Variants in UNC5C observed in about 807,000 individuals in gnomAD.
The protein encoded by UNC5C is unc-5 netrin receptor C, also known as netrin receptor UNC5C.
In UNC5C, 47 loss-of-function variants were observed where a neutral mutation model predicts 99.8. The observed-to-expected ratio is 0.47, with a 90% CI of 0.37 to 0.60. The LOEUF is 0.60. UNC5C is among the 20% of genes least tolerant of loss of function. The pLI is 0.00. For missense variants in UNC5C, 1,062 were observed against 1,165.9 expected, an observed-to-expected ratio of 0.91 and a Z score of 1.30; for synonymous variants, 487 against 452.2, an observed-to-expected ratio of 1.08 and a Z score of -0.98.
intron 2 of UNC5C, among the ~76,000 whole-genome samples, chr4:95,324,548 C>G (rs1451414970): frequency 6.6e-6 from 1 of 152,174 alleles, no homozygotes; most frequent in Non-Finnish European, 1.5e-5. Context: ...AACGGTCCCT[C>G]CTGCCAAAAA....
chr4:95,480,416 C>G lies in UNC5C; in HGVS notation c.124+68318G>C, dbSNP rs1344251970. Among the ~76,000 whole-genome samples, 3 of 151,734 alleles carry G rather than the reference C, an allele frequency of 2.0e-5. No individual in the cohort carries two copies. In the East Asian group the frequency reaches 5.9e-4, roughly 30 times the overall value. On this transcript the variant is annotated intron_variant, in intron 1 of 15. Coordinates refer to ENST00000453304, the MANE Select transcript of UNC5C (RefSeq NM_003728.4). ...TGTCTAAAAATACTAGTTGTCATGTCCTCAGAAATGAGCAATAAATGCTAC... is the reference window on the plus strand; with the variant it reads ...TGTCTAAAAATACTAGTTGTCATGTGCTCAGAAATGAGCAATAAATGCTAC...
At chr4:95,250,197 C>A (rs900316255) in intron 5 of UNC5C, among the ~76,000 whole-genome samples, 4 of 152,002 alleles carry the variant, frequency 2.6e-5, no homozygotes, top group African/African-American at 4.8e-5. Flanking sequence ...TGAAAAGCAG[C>A]AAGCAAGCAG....
intron 1 of UNC5C, among the ~76,000 whole-genome samples, chr4:95,471,022 T>C (rs1048437800): frequency 6.6e-6 from 1 of 151,966 alleles, no homozygotes; most frequent in Non-Finnish European, 1.5e-5. Flanking sequence ...TGGAAATCAC[T>C]ATCCAAGTAA....
chr4:95,300,598 A>T (rs1741830576), intron 3 of UNC5C, among the ~76,000 whole-genome samples: 1 of 152,212 alleles, frequency 6.6e-6, no homozygotes, highest in South Asian at 2.1e-4. Context: ...TCAAGGAATG[A>T]TATATGCCAT....
intron 1 of UNC5C, among the ~76,000 whole-genome samples, chr4:95,415,853 C>T (rs1333852294): frequency 5.9e-5 from 9 of 151,912 alleles, no homozygotes; most frequent in Admixed American, 4.6e-4. Context: ...TCATTCTAAA[C>T]AAAGATCTTT....
intron 1 of UNC5C, among the ~76,000 whole-genome samples, chr4:95,447,753 G>A (rs911838361): frequency 6.6e-5 from 10 of 152,130 alleles, no homozygotes; most frequent in East Asian, 1.9e-4. Flanking sequence ...TGCCTGCCAC[G>A]GCTTCCAAAG....
At chr4:95,488,819 C>G (rs1213927773) in intron 1 of UNC5C, among the ~76,000 whole-genome samples, 2 of 151,680 alleles carry the variant, frequency 1.3e-5, no homozygotes, top group African/African-American at 2.4e-5. Context: ...ATTTAGATAA[C>G]TTTAGATAAA....
chr4:95,297,347 A>C (rs1264213816), intron 3 of UNC5C, among the ~76,000 whole-genome samples: 1 of 152,246 alleles, frequency 6.6e-6, no homozygotes, highest in South Asian at 2.1e-4. Context: ...AGACAAAGAG[A>C]AAATCTATTT....
chr4:95,539,897 G>A (rs1396425590), intron 1 of UNC5C, among the ~76,000 whole-genome samples: 1 of 149,774 alleles, frequency 6.7e-6, no homozygotes, highest in Admixed American at 6.7e-5. Flanking sequence ...CATACTTACT[G>A]CCAAAACTTA....
chr4:95,376,637 A>G (rs1032079622), intron 1 of UNC5C, among the ~76,000 whole-genome samples: 2 of 152,160 alleles, frequency 1.3e-5, no homozygotes, highest in African/African-American at 4.8e-5. Flanking sequence ...TGAGTACATG[A>G]TTTTGAACCA....
chr4:95,442,695 T>A (rs1746985124), intron 1 of UNC5C, among the ~76,000 whole-genome samples: 1 of 152,164 alleles, frequency 6.6e-6, no homozygotes, highest in African/African-American at 2.4e-5. Flanking sequence ...AAATAATAGC[T>A]GTCTTATATA....
intron 14 of UNC5C, among the ~76,000 whole-genome samples, chr4:95,174,296 T>G (rs1463073507): frequency 6.6e-6 from 1 of 152,024 alleles, no homozygotes; most frequent in African/African-American, 2.4e-5. Flanking sequence ...TTTGAATGTG[T>G]TTGCTCTTGC....
intron 1 of UNC5C, among the ~76,000 whole-genome samples, chr4:95,476,579 G>A (rs1215410903): frequency 1.3e-5 from 2 of 151,976 alleles, no homozygotes; most frequent in African/African-American, 2.4e-5. Context: ...TTAAAAACAC[G>A]AATTCATATT....
Position 95,244,978 on chromosome 4 carries a change from T to C in UNC5C, c.942A>G (p.Pro314=), listed in dbSNP as rs1488458455. ...VQKIACTTLC[P]VDGRWTPWSK... ...GAATGAGAGGACTGGTTTATTTACC[T>C]GGGCATAACGTAGTACAGGCTATTT... Residue 314 remains proline (P), a splice_region_variant and synonymous_variant, in exon 6 of 16, where the codon CCA becomes CCG. Coordinates refer to ENST00000453304, the MANE Select transcript of UNC5C (RefSeq NM_003728.4). 6.2e-7 allele frequency: 1 copy of C among 1,613,784 alleles called. No homozygotes were observed. The highest frequency in any genetic ancestry group is 8.5e-7 in the Non-Finnish European group (1 of 1,179,912).
intron 3 of UNC5C, among the ~76,000 whole-genome samples, chr4:95,280,226 A>T (rs1741005303): frequency 6.6e-6 from 1 of 152,174 alleles, no homozygotes; most frequent in Non-Finnish European, 1.5e-5. Flanking sequence ...CACATTTGCC[A>T]TATTGTTGAA....
intron 7 of UNC5C, among the ~76,000 whole-genome samples, chr4:95,239,364 C>T (rs371336016): frequency 6.6e-6 from 1 of 152,216 alleles, no homozygotes; most frequent in South Asian, 2.1e-4. Context: ...CTATGTCTTC[C>T]CTTGGCTGGT....
At chr4:95,466,574 G>A (rs1747785361) in intron 1 of UNC5C, among the ~76,000 whole-genome samples, 1 of 151,878 alleles carries the variant, frequency 6.6e-6, no homozygotes, top group Non-Finnish European at 1.5e-5. Flanking sequence ...ACATATCCCA[G>A]CATTTGAAGA....
intron 4 of UNC5C, among the ~76,000 whole-genome samples, chr4:95,269,243 C>T (rs1358916354): frequency 6.6e-6 from 1 of 152,112 alleles, no homozygotes; most frequent in Non-Finnish European, 1.5e-5. Flanking sequence ...CCAGGTGATT[C>T]CACTGTGCCT....
chr4:95,212,941 C>T (rs1738124761), intron 10 of UNC5C, among the ~76,000 whole-genome samples: 1 of 152,224 alleles, frequency 6.6e-6, no homozygotes, highest in Non-Finnish European at 1.5e-5. Flanking sequence ...CTCCTCTCTC[C>T]TCACACCTGC....
Sources: gnomAD v4.1 joint callset for allele counts (sites outside exome capture counted in the v4.1 genomes callset) on GRCh38, gnomAD v4.1.1 for gene constraint, MANE v1.5 for transcripts, NCBI Gene and HGNC (gene_info 2026-07-23, HGNC 2026-07-21) for gene names.